The following GRXCR2 variants were observed in gnomAD, a reference collection of about 807,000 sequenced individuals.
GRXCR2 encodes the protein glutaredoxin and cysteine rich domain containing 2, also known as glutaredoxin domain-containing cysteine-rich protein 2.
Under a neutral mutation model 24.8 loss-of-function variants are expected in GRXCR2, and 23 were observed. The observed-to-expected ratio is 0.93, with a 90% CI of 0.67 to 1.32. GRXCR2 has a LOEUF of 1.32. GRXCR2 is among the 40% of genes most tolerant of loss of function. The probability of loss-of-function intolerance (pLI) is 0.00; values close to 1 mark genes in which losing one functional copy is unlikely to be tolerated. For synonymous variants in GRXCR2, 130 were observed against 116.1 expected (o/e 1.12, Z -0.77); for missense variants, 315 against 303.4 (o/e 1.04, Z -0.28).
chr5:145,864,270 A>G (rs1486725561), intron 2 of GRXCR2, among the ~76,000 whole-genome samples: 1 of 151,920 alleles, frequency 6.6e-6, no homozygotes, highest in Non-Finnish European at 1.5e-5. Flanking sequence ...AGGGATGGAG[A>G]TGGGGAGATG....
intron 2 of GRXCR2, among the ~76,000 whole-genome samples, chr5:145,916,730 T>C (rs778394487): frequency 6.6e-6 from 1 of 152,182 alleles, no homozygotes; most frequent in Non-Finnish European, 1.5e-5. Context: ...TGACTTCCTA[T>C]ATTAACTTGA....
chr5:145,893,156 C>A (rs1264300461), intron 2 of GRXCR2, among the ~76,000 whole-genome samples: 2 of 152,244 alleles, frequency 1.3e-5, no homozygotes, highest in African/African-American at 4.8e-5. Context: ...AAGGAACAAC[C>A]GGTACCAGCC....
intron 2 of GRXCR2, among the ~76,000 whole-genome samples, chr5:145,888,436 T>A (rs1217710943): frequency 6.6e-6 from 1 of 152,046 alleles, no homozygotes; most frequent in Non-Finnish European, 1.5e-5. Flanking sequence ...GCAAGAACAA[T>A]CCACTGGTCA....
At chr5:145,903,823 G>C (rs543969512) in intron 2 of GRXCR2, among the ~76,000 whole-genome samples, 1 of 152,280 alleles carries the variant, frequency 6.6e-6, no homozygotes, top group African/African-American at 2.4e-5. Context: ...GCACACAACT[G>C]TTGCTGATGC....
At chr5:145,907,910 T>C (rs1189321297) in intron 2 of GRXCR2, among the ~76,000 whole-genome samples, 1 of 152,220 alleles carries the variant, frequency 6.6e-6, no homozygotes, top group Non-Finnish European at 1.5e-5. Context: ...TCTATCATGT[T>C]AGATTTGAGG....
At chr5:145,890,574 A>G (rs776524092) in intron 2 of GRXCR2, among the ~76,000 whole-genome samples, 2 of 152,188 alleles carry the variant, frequency 1.3e-5, no homozygotes, top group Non-Finnish European at 2.9e-5. Context: ...GCAAGCACTG[A>G]GGGAATTTGT....
At chr5:145,891,489 C>T (rs752397062) in intron 2 of GRXCR2, among the ~76,000 whole-genome samples, 4 of 152,210 alleles carry the variant, frequency 2.6e-5, no homozygotes, top group Non-Finnish European at 5.9e-5. Flanking sequence ...AGATTATATC[C>T]TGTGCCTGGC....
At chr5:145,929,021 T>G (rs1015684541) in intron 2 of GRXCR2, among the ~76,000 whole-genome samples, 9 of 151,844 alleles carry the variant, frequency 5.9e-5, no homozygotes, top group Admixed American at 2.6e-4. Context: ...AAATAACCAT[T>G]GCTAACATTT....
chr5:145,878,791 C>G (rs777108447), intron 2 of GRXCR2, among the ~76,000 whole-genome samples: 10 of 152,178 alleles, frequency 6.6e-5, no homozygotes, highest in Non-Finnish European at 1.0e-4. Flanking sequence ...TAAGGGCAGC[C>G]AGACAGAAAG....
intron 1 of GRXCR2, among the ~76,000 whole-genome samples, chr5:145,869,559 CTTTTT>C (rs398038865): frequency 7.3e-6 from 1 of 137,536 alleles, no homozygotes; most frequent in Admixed American, 7.4e-5. Flanking sequence ...CTCTCTCTCT[CTTTTT>C]TTTTTTTTTT....
At chr5:145,894,563 C>T (rs1191358837) in intron 2 of GRXCR2, among the ~76,000 whole-genome samples, 2 of 152,158 alleles carry the variant, frequency 1.3e-5, no homozygotes, top group Non-Finnish European at 2.9e-5. Flanking sequence ...GACACATACA[C>T]CCTCCCAAGA....
Position 145,930,475 on chromosome 5 carries a change from G to T in GRXCR2, c.-70+5226C>A, listed in dbSNP as rs142148575. 6.6e-5 allele frequency among the ~76,000 whole-genome samples: 10 copies of T among 152,292 alleles called. No homozygotes were observed. In the East Asian group the frequency reaches 1.3e-3, roughly 21 times the overall value. ...TGATATTTTATTATTTTATTCAAAT[G>T]TGCCTTTACTTTCACCTTCAAATTG... On this transcript the variant is annotated intron_variant, in intron 2 of 3. Transcript: ENST00000639411.
chr5:145,913,954 T>G (rs1302703525), intron 2 of GRXCR2, among the ~76,000 whole-genome samples: 3 of 152,270 alleles, frequency 2.0e-5, no homozygotes, highest in Non-Finnish European at 2.9e-5. Context: ...TCAGGCGTTT[T>G]GATTTTAGAA....
chr5:145,862,301 G>A (rs1335390270), intron 2 of GRXCR2, among the ~76,000 whole-genome samples: 2 of 152,154 alleles, frequency 1.3e-5, no homozygotes, highest in Non-Finnish European at 2.9e-5. Context: ...ATAAGAACAC[G>A]TCTTCCATCA....
intron 2 of GRXCR2, among the ~76,000 whole-genome samples, chr5:145,924,916 C>A (rs1033087465): frequency 2.0e-5 from 3 of 152,138 alleles, no homozygotes; most frequent in Admixed American, 1.3e-4. Context: ...ATGGCCAAAT[C>A]AGAATAAATA....
chr5:145,859,522 T>C lies in GRXCR2; in HGVS notation c.*211A>G. On this transcript the variant is annotated 3_prime_UTR_variant, in exon 3 of 3. Coordinates refer to ENST00000377976, the MANE Select transcript of GRXCR2 (RefSeq NM_001080516.2). Reference sequence around the variant, plus strand: ...TTAGAACCAGTTTCAAAGCAGACTATAATTCAGAAATGCCCCTGCCACTTA... The same window carrying C: ...TTAGAACCAGTTTCAAAGCAGACTACAATTCAGAAATGCCCCTGCCACTTA... The C allele has an allele frequency of 1.7e-6, 1 of 594,204 alleles. No individual in the cohort carries two copies. 36.8% of individuals were successfully genotyped at this position (594,204 alleles called of 1,614,324 possible).
intron 1 of GRXCR2, among the ~76,000 whole-genome samples, chr5:145,867,298 T>C (rs1457695435): frequency 6.6e-6 from 1 of 152,058 alleles, no homozygotes; most frequent in African/African-American, 2.4e-5. Context: ...CCCACCAAGG[T>C]GACAGAGTTA....
At chr5:145,892,390 A>C (rs1311981399) in intron 2 of GRXCR2, among the ~76,000 whole-genome samples, 3 of 152,192 alleles carry the variant, frequency 2.0e-5, no homozygotes, top group Admixed American at 1.3e-4. Context: ...CTTGAAAAAA[A>C]ATTAGATGAA....
intron 2 of GRXCR2, among the ~76,000 whole-genome samples, chr5:145,919,092 T>G (rs1757283175): frequency 6.6e-6 from 1 of 152,170 alleles, no homozygotes; most frequent in Non-Finnish European, 1.5e-5. Context: ...CGGGGCAGAC[T>G]CCTCATTAGA....
Sources: allele counts gnomAD v4.1 joint callset (sites outside exome capture counted in the v4.1 genomes callset), GRCh38; gene constraint gnomAD v4.1.1; transcripts MANE v1.5; gene names NCBI Gene and HGNC (gene_info 2026-07-23, HGNC 2026-07-21).